The following SLC1A7 variants were observed in gnomAD, a reference collection of about 807,000 sequenced individuals.
SLC1A7 encodes the protein solute carrier family 1 member 7.
Under a neutral mutation model 47.7 loss-of-function variants are expected in SLC1A7, and 40 were observed. That is an observed-to-expected ratio of 0.84 (90% CI 0.65 to 1.09). The LOEUF is 1.09. Among genes scored for constraint, SLC1A7 ranks in the 50% least tolerant of loss-of-function variants. The probability of loss-of-function intolerance (pLI) is 0.00; values close to 1 mark genes in which losing one functional copy is unlikely to be tolerated. For synonymous variants in SLC1A7, 323 were observed against 325.6 expected (o/e 0.99, Z 0.09); for missense variants, 746 against 769.5 (o/e 0.97, Z 0.36).
intron 3 of SLC1A7, among the ~76,000 whole-genome samples, chr1:53,106,387 G>A (rs1407801142): frequency 6.6e-6 from 1 of 151,838 alleles, no homozygotes; most frequent in East Asian, 1.9e-4. Context: ...GGAGGCCAAG[G>A]CGGGCGGATC....
chr1:53,103,447 G>A lies in SLC1A7; in HGVS notation c.596C>T (p.Ala199Val), dbSNP rs760538869. ...CTCGGGCGGCGGGGTCAGGTCCAGG[G>A]CGAAGTTCTGCACATGGGAGCCATT... The part of the protein sequence containing the change: ...EENGSHVQNF[A>V]LDLTPPPEVV... The change falls in exon 5 of 11, where the codon GCC becomes GTC. Residue 199 changes from alanine to valine, a missense_variant. By Grantham distance (64) the Ala-to-Val change is moderately conservative (BLOSUM62 0). Coordinates refer to ENST00000371494, the MANE Select transcript of SLC1A7 (RefSeq NM_006671.6). The A allele has an allele frequency of 1.9e-6, 3 of 1,612,820 alleles. No homozygotes were observed. Among genetic ancestry groups the A allele is most frequent in the Non-Finnish European group, 2.5e-6 (3 of 1,179,662 alleles).
chr1:53,125,691 G>T (rs1200595878), intron 2 of SLC1A7, among the ~76,000 whole-genome samples: 1 of 152,198 alleles, frequency 6.6e-6, no homozygotes, highest in Non-Finnish European at 1.5e-5. Context: ...CTAGGGGTCT[G>T]GAGGCATCCC....
At position 53,092,615 on chromosome 1, in the gene SLC1A7, G is replaced by A. The variant is rs751152583; in HGVS notation, c.970C>T (p.Pro324Ser). ...AGGATGCCACGGATGAAGACGATGG[G>A]ATTCTTCTTGGTGATGAAGAAGTAG... ...LLYFFITKKN[P>S]IVFIRGILQA... The change falls in exon 7 of 11, where the codon CCC becomes TCC. Residue 324 changes from proline (P) to serine (S), a missense_variant. Coordinates refer to ENST00000371494, the MANE Select transcript of SLC1A7 (RefSeq NM_006671.6). 11 of 1,614,056 alleles carry A rather than the reference G, an allele frequency of 6.8e-6. No individual in the cohort carries two copies. The highest frequency in any genetic ancestry group is 8.5e-6 in the Non-Finnish European group (10 of 1,180,018).
intron 1 of SLC1A7, among the ~76,000 whole-genome samples, chr1:53,138,532 A>ATTT (rs11402739): frequency 4.3e-5 from 6 of 140,084 alleles, no homozygotes; most frequent in East Asian, 4.1e-4. Context: ...ATTGACATTA[A>ATTT]TTTTTTTTTT....
intron 7 of SLC1A7, 140 bp from the exon 8 acceptor site, chr1:53,090,946 A>G: frequency 6.5e-7 from 1 of 1,529,140 alleles, no homozygotes; most frequent in South Asian, 1.2e-5. Context: ...GCAGGAGGTA[A>G]GGACCGCGGG....
At chr1:53,120,533 CT>C (rs1644807775) in intron 2 of SLC1A7, among the ~76,000 whole-genome samples, 1 of 152,176 alleles carries the variant, frequency 6.6e-6, no homozygotes, top group Admixed American at 6.5e-5. Context: ...CTGGAAGTAC[CT>C]TTGCACTGGA....
intron 3 of SLC1A7, among the ~76,000 whole-genome samples, chr1:53,107,683 A>T (rs1268764737): frequency 6.6e-6 from 1 of 152,222 alleles, no homozygotes; most frequent in Non-Finnish European, 1.5e-5. Context: ...AGCTTTTACA[A>T]ATCTTGGCCT....
intron 7 of SLC1A7, among the ~76,000 whole-genome samples, chr1:53,091,910 C>T (rs1348818493): frequency 6.6e-6 from 1 of 152,216 alleles, no homozygotes; most frequent in African/African-American, 2.4e-5. Flanking sequence ...TTGCACAACT[C>T]TAAATTCCTG....
intron 8 of SLC1A7, 120 bp from the exon 9 acceptor site, chr1:53,090,054 T>A: frequency 9.8e-7 from 1 of 1,018,846 alleles, no homozygotes; most frequent in Non-Finnish European, 1.5e-6. Flanking sequence ...GTGCGGGGGG[T>A]GGGTAGGAAT....
chr1:53,101,082 T>TGGTACACTCACACACACCACCTC (rs1644571815), intron 5 of SLC1A7, among the ~76,000 whole-genome samples: 2 of 125,968 alleles, frequency 1.6e-5, no homozygotes, highest in African/African-American at 6.1e-5. Flanking sequence ...CACACCACCT[T>TGGTACACTCACACACACCACCTC]GGTACACTCA....
intron 5 of SLC1A7, among the ~76,000 whole-genome samples, chr1:53,094,918 GT>G (rs1644468302): frequency 6.6e-6 from 1 of 152,252 alleles, no homozygotes; most frequent in Admixed American, 6.5e-5. Flanking sequence ...CAGGGATGGG[GT>G]GGGGAAAGGA....
chr1:53,137,259 C>A (rs1399696326), intron 1 of SLC1A7, among the ~76,000 whole-genome samples: 6 of 137,910 alleles, frequency 4.4e-5, no homozygotes. Context: ...TGCACTCCAG[C>A]CTGGGCAACA....
chr1:53,097,091 A>T (rs1460377911), intron 5 of SLC1A7, among the ~76,000 whole-genome samples: 1 of 145,834 alleles, frequency 6.9e-6, no homozygotes, highest in Non-Finnish European at 1.5e-5. Context: ...GCTCACACAC[A>T]CTGCCTCGGC....
Position 53,137,287 on chromosome 1 carries a change from C to CAAAAAAAAAAAAAAAAAAAAAAAAA in SLC1A7, c.136-2859_136-2858insTTTTTTTTTTTTTTTTTTTTTTTTT, listed in dbSNP as rs60113708. On this transcript the variant is annotated intron_variant, in intron 1 of 10. Coordinates refer to ENST00000371494, the MANE Select transcript of SLC1A7 (RefSeq NM_006671.6). ...GGGCAACAGAGGGAGACGCTATCTC[C>CAAAAAAAAAAAAAAAAAAAAAAAAA]AAAAAAAAAAAAGTGCTCTACTGAT... Among the ~76,000 whole-genome samples, 41 of 100,742 alleles carry CAAAAAAAAAAAAAAAAAAAAAAAAA rather than the reference C, an allele frequency of 4.1e-4. 1 individual carries two copies. The highest frequency in any genetic ancestry group is 1.5e-3 in the African/African-American group (38 of 25,730). The allele number at this position is 100,742 out of a possible 152,430, so 66.1% of individuals were successfully genotyped here.
chr1:53,099,810 C>A (rs1281469715), intron 5 of SLC1A7, among the ~76,000 whole-genome samples: 3 of 151,454 alleles, frequency 2.0e-5, no homozygotes, highest in Admixed American at 6.6e-5. Context: ...CACTTACACA[C>A]CCCACCTTGG....
chr1:53,125,662 T>C (rs1273095602), intron 2 of SLC1A7, among the ~76,000 whole-genome samples: 11 of 152,198 alleles, frequency 7.2e-5, no homozygotes, highest in Admixed American at 6.5e-4. Flanking sequence ...GGAACAATTA[T>C]TGAGCACTTC....
At chr1:53,100,462 C>T (rs778837381) in intron 5 of SLC1A7, among the ~76,000 whole-genome samples, 22 of 151,398 alleles carry the variant, frequency 1.5e-4, no homozygotes, top group Non-Finnish European at 1.9e-4. Context: ...TCCACTCATA[C>T]ACACTGCCTT....
intron 5 of SLC1A7, among the ~76,000 whole-genome samples, chr1:53,101,763 C>T (rs1432342000): frequency 1.3e-5 from 2 of 151,922 alleles, no homozygotes; most frequent in Non-Finnish European, 2.9e-5. Flanking sequence ...AGTACACTCA[C>T]ACACCCTGCC....
intron 5 of SLC1A7, among the ~76,000 whole-genome samples, chr1:53,101,058 T>C (rs971937793): frequency 6.6e-6 from 1 of 150,644 alleles, no homozygotes; most frequent in Admixed American, 6.6e-5. Flanking sequence ...AAAACCCGCC[T>C]CGGTACACTC....
Sources: allele counts gnomAD v4.1 joint callset (sites outside exome capture counted in the v4.1 genomes callset), GRCh38; gene constraint gnomAD v4.1.1; transcripts MANE v1.5; gene names NCBI Gene and HGNC (gene_info 2026-07-23, HGNC 2026-07-21).